Variants in PRCD observed in about 807,000 individuals in gnomAD.
PRCD encodes photoreceptor disc component, also known as photoreceptor disk component PRCD.
Under a neutral mutation model 10.1 loss-of-function variants are expected in PRCD, and 12 were observed. The observed-to-expected ratio is 1.18, with a 90% CI of 0.76 to 1.92. The LOEUF is 1.92. PRCD is among the 40% of genes most tolerant of loss of function. The pLI is 0.00. For missense variants in PRCD, 61 were observed against 72.2 expected (o/e 0.84, Z 0.56); for synonymous variants, 31 against 26.2 (o/e 1.18, Z -0.56).
upstream of PRCD, among the ~76,000 whole-genome samples, chr17:76,536,811 T>TC (rs1286945483): frequency 2.6e-5 from 4 of 152,156 alleles, no homozygotes; most frequent in East Asian, 7.7e-4. Flanking sequence ...GCTTCTCCAC[T>TC]CACCTGTGCC....
At chr17:76,535,470 A>C (rs1598206660), upstream of PRCD, among the ~76,000 whole-genome samples, 1 of 152,028 alleles carries the variant, frequency 6.6e-6, no homozygotes, top group African/African-American at 2.4e-5. Context: ...AGGAGGAGAG[A>C]AAAAGGAAAG....
chr17:76,551,439 T>C (rs1004536275), intron 1 of PRCD: 2 of 152,260 alleles, frequency 1.3e-5, no homozygotes, highest in Non-Finnish European at 2.9e-5. Flanking sequence ...CTTTTTTTCC[T>C]GTACACTGTT....
downstream of PRCD, chr17:76,546,375 T>G (rs1193201385): frequency 6.6e-6 from 1 of 152,238 alleles, no homozygotes; most frequent in Non-Finnish European, 1.5e-5. The surrounding 1 kb of genome is among the most constrained non-coding windows in gnomAD (Gnocchi z 4.5). Context: ...GGCTGTCCAC[T>G]GTCACCCTGG....
Position 76,533,463 on chromosome 17 carries a change from G to A in PRCD, n.45+5630G>A, listed in dbSNP as rs1598204704. ...GATATGGCCGGGCACGGTGGCTCACGCCTATAATCCTAGCACTTTACGAGG... is the reference window on the plus strand; with the variant it reads ...GATATGGCCGGGCACGGTGGCTCACACCTATAATCCTAGCACTTTACGAGG... On this transcript the variant is annotated intron_variant and non_coding_transcript_variant, in intron 1 of 4. Coordinates refer to the PRCD transcript ENST00000397633. The surrounding 1 kb of genome is among the most constrained non-coding windows in gnomAD (Gnocchi z 4.5). 6.6e-6 allele frequency among the ~76,000 whole-genome samples: 1 copy of A among 152,328 alleles called. No homozygotes were observed. The highest frequency in any genetic ancestry group is 2.4e-5 in the African/African-American group (1 of 41,570).
chr17:76,538,919 A>G (rs760033044), upstream of PRCD, among the ~76,000 whole-genome samples: 10 of 152,120 alleles, frequency 6.6e-5, no homozygotes, highest in Admixed American at 1.3e-4. Context: ...CGCTTTCACT[A>G]TGGTTCATGT....
chr17:76,538,502 G>A (rs1477453907), upstream of PRCD: 2 of 466,720 alleles, frequency 4.3e-6, no homozygotes, highest in African/African-American at 2.0e-5. Context: ...TGAATGACAC[G>A]GACAGGCAAG....
chr17:76,528,899 A>G lies in PRCD; in HGVS notation n.45+1066A>G. 5 of 1,199,226 alleles carry G rather than the reference A, an allele frequency of 4.2e-6. No individual in the cohort carries two copies. The highest frequency in any genetic ancestry group is 5.2e-6 in the Non-Finnish European group (5 of 967,762). 74.3% of individuals were successfully genotyped at this position (1,199,226 alleles called of 1,614,324 possible). A position where few individuals can be genotyped will look rare whatever the true frequency, so the allele number is the denominator to read the frequency against. On this transcript the variant is annotated intron_variant and non_coding_transcript_variant, in intron 1 of 4. Transcript: ENST00000397633. The surrounding 1 kb of genome is among the most constrained non-coding windows in gnomAD (Gnocchi z 5.8). ...AACTGGGTAAAAAAGTGTTTCACAA[A>G]CTGCAAAGCACGATACCAATGTGAG...
upstream of PRCD, chr17:76,538,404 G>T: frequency 2.4e-6 from 1 of 420,320 alleles, no homozygotes. Flanking sequence ...GGGCGCCAGA[G>T]GCCTGCGCCC....
chr17:76,531,860 G>A lies in PRCD; in HGVS notation n.45+4027G>A. The A allele has an allele frequency of 1.7e-6, 1 of 589,626 alleles. No individual in the cohort carries two copies. The highest frequency in any genetic ancestry group is 2.2e-5 in the South Asian group (1 of 45,680). The allele number at this position is 589,626 out of a possible 1,614,324, so 36.5% of individuals were successfully genotyped here. A position where few individuals can be genotyped will look rare whatever the true frequency, so the allele number is the denominator to read the frequency against. ...CCTCAGCATAGACCCTCCTCCCTCT[G>A]GCCAAGCCGGCTCACCCCTACCAAG... On this transcript the variant is annotated intron_variant and non_coding_transcript_variant, in intron 1 of 4. Transcript: ENST00000397633. This position sits in a 1 kb window ranked among gnomAD's most constrained non-coding sequence, Gnocchi z 7.4.
At chr17:76,536,864 G>A (rs62086575), upstream of PRCD, among the ~76,000 whole-genome samples, 1 of 152,082 alleles carries the variant, frequency 6.6e-6, no homozygotes, top group Non-Finnish European at 1.5e-5. Flanking sequence ...CAGCGGGAAG[G>A]GGGCAGCTGG....
In PRCD at chr17:76,540,639, G is replaced by A; in HGVS notation, c.143+66G>A. ...AAGGAAGCTGTGGCTGTGCATGCCT[G>A]GGGGTGCACGTGTGTGCCTGTGCGC... is the stretch of plus-strand genomic sequence containing the variant. On this transcript the variant is annotated intron_variant, in intron 2 of 4. Coordinates refer to ENST00000592014, the MANE Select transcript of PRCD (RefSeq NM_001077620.3). The surrounding 1 kb of genome is among the most constrained non-coding windows in gnomAD (Gnocchi z 5.0). 6.1e-6 allele frequency: 9 copies of A among 1,483,026 alleles called. No individual in the cohort carries two copies. Among genetic ancestry groups the A allele is most frequent in the Non-Finnish European group, 8.4e-6 (9 of 1,065,338 alleles). The allele number at this position is 1,483,026 out of a possible 1,614,324, so 91.9% of individuals were successfully genotyped here.
Position 76,531,390 on chromosome 17 carries a change from A to G in PRCD, n.45+3557A>G. Reference sequence around the variant, plus strand: ...CTCTGTTGCTCCAGAGAGCCGTCGCAGAGCCTGCGAGCTGCAGATGGCCAT... The same window carrying G: ...CTCTGTTGCTCCAGAGAGCCGTCGCGGAGCCTGCGAGCTGCAGATGGCCAT... On this transcript the variant is annotated intron_variant and non_coding_transcript_variant, in intron 1 of 4. Transcript: ENST00000397633. The surrounding 1 kb of genome is among the most constrained non-coding windows in gnomAD (Gnocchi z 7.4). 6.5e-7 allele frequency: 1 copy of G among 1,542,516 alleles called. No individual in the cohort carries two copies. Among genetic ancestry groups the G allele is most frequent in the South Asian group, 1.2e-5 (1 of 84,336 alleles).
Position 76,534,128 on chromosome 17 carries a change from T to TTCTCTC in PRCD, n.45+6301_45+6306dup, listed in dbSNP as rs1436503180. ...CTTTCTTTCTTCTTTCTTTCTTTCT[T>TTCTCTC]TCTCTCTCTCTTTCTCTTTCTCTCT... is the stretch of plus-strand genomic sequence containing the variant. On this transcript the variant is annotated intron_variant and non_coding_transcript_variant, in intron 1 of 4. Transcript: ENST00000397633. Among the ~76,000 whole-genome samples the TTCTCTC allele has an allele frequency of 2.3e-4, 31 of 133,426 alleles. 1 individual carries two copies. In the East Asian group the frequency reaches 6.7e-3, roughly 29 times the overall value. 87.5% of individuals were successfully genotyped at this position (133,426 alleles called of 152,430 possible).
chr17:76,534,319 CA>C (rs2074890099), intron 1 of PRCD, among the ~76,000 whole-genome samples: 1 of 152,076 alleles, frequency 6.6e-6, no homozygotes, highest in African/African-American at 2.4e-5. Context: ...GCTGGGATTA[CA>C]GGTGCCCGCC....
At position 76,529,018 on chromosome 17, in the gene PRCD, C is replaced by T. The variant is rs1008407198; in HGVS notation, n.45+1185C>T. 3.0e-6 allele frequency: 3 copies of T among 992,850 alleles called. No individual in the cohort carries two copies. The African/African-American group carries it at 5.2e-5, about 17-fold the overall frequency. 61.5% of individuals were successfully genotyped at this position (992,850 alleles called of 1,614,324 possible). ...CATCTGTATTCTCGTATTCTCGGTA[C>T]ACACAGCGCCCCCTGCAGTCATTGC... On this transcript the variant is annotated intron_variant and non_coding_transcript_variant, in intron 1 of 4. Coordinates refer to the PRCD transcript ENST00000397633.
chr17:76,539,921 G>A, upstream of PRCD: 1 of 603,374 alleles, frequency 1.7e-6, no homozygotes, highest in Non-Finnish European at 3.0e-6. Context: ...TGCATGCCTT[G>A]ACCCTACCGC....
rs1315794886 is a variant in PRCD, at chr17:76,542,607, G to C, written c.*33G>C. On this transcript the variant is annotated 3_prime_UTR_variant, in exon 3 of 5. Transcript: ENST00000592014. ...CCTCTGCAGGTGGGGCTCAGGCCCAGAGACTGGGATCAGCTGGCTCAGGCA... is the reference window on the plus strand; with the variant it reads ...CCTCTGCAGGTGGGGCTCAGGCCCACAGACTGGGATCAGCTGGCTCAGGCA... The C allele has an allele frequency of 1.2e-6, 2 of 1,613,646 alleles. No individual in the cohort carries two copies. Among genetic ancestry groups the C allele is most frequent in the Non-Finnish European group, 1.7e-6 (2 of 1,179,610 alleles).
upstream of PRCD, among the ~76,000 whole-genome samples, chr17:76,539,591 T>C (rs1334959674): frequency 1.3e-5 from 2 of 152,214 alleles, no homozygotes; most frequent in African/African-American, 4.8e-5. Flanking sequence ...GCTTCCACGG[T>C]GACATCATTG....
At chr17:76,538,071 G>A (rs4563060), upstream of PRCD, 149,316 of 152,700 alleles carry the variant, frequency 0.98, 73,090 homozygotes, top group Middle Eastern at 1. Flanking sequence ...CCGGGTCCCA[G>A]TGCTTGCGGC....
Sources: allele counts gnomAD v4.1 joint callset (sites outside exome capture counted in the v4.1 genomes callset), GRCh38; gene constraint gnomAD v4.1.1; non-coding constraint Gnocchi (gnomAD v3.1); transcripts MANE v1.5; gene names NCBI Gene and HGNC (gene_info 2026-07-23, HGNC 2026-07-21).